Variants in LTBP2 observed in about 807,000 individuals in gnomAD.
LTBP2 encodes latent-transforming growth factor beta-binding protein 2.
A neutral mutation model predicts 210.6 loss-of-function variants in LTBP2; 103 were observed. The ratio of observed to expected loss-of-function variants is 0.49; its 90% CI spans 0.42 to 0.58. The LOEUF is 0.58. LTBP2 is among the 20% of genes least tolerant of loss of function. LTBP2 has a pLI of 0.00. For synonymous variants in LTBP2, 1,007 were observed against 1,015.0 expected (o/e 0.99, Z 0.15); for missense variants, 2,313 against 2,494.5 (o/e 0.93, Z 1.55).
chr14:74,542,244 T>G (rs2087517244), intron 8 of LTBP2, among the ~76,000 whole-genome samples: 1 of 152,238 alleles, frequency 6.6e-6, no homozygotes, highest in South Asian at 2.1e-4. Flanking sequence ...CCCTCTGCCG[T>G]GCCTCGGTTG....
intron 3 of LTBP2, among the ~76,000 whole-genome samples, chr14:74,585,577 A>G (rs1016151433): frequency 2.0e-5 from 3 of 152,166 alleles, no homozygotes; most frequent in Non-Finnish European, 4.4e-5. Flanking sequence ...TCCCAGGTAC[A>G]CGCCCTCCTC....
chr14:74,557,428 CAGCAT>C (rs2087743659), intron 3 of LTBP2, among the ~76,000 whole-genome samples: 2 of 152,194 alleles, frequency 1.3e-5, no homozygotes, highest in South Asian at 4.1e-4. Context: ...CTTGCCAGCA[CAGCAT>C]ATTATTAATT....
intron 18 of LTBP2, among the ~76,000 whole-genome samples, chr14:74,512,948 G>A (rs1595245422): frequency 1.6e-5 from 2 of 124,762 alleles, no homozygotes; most frequent in Non-Finnish European, 4.0e-5. Context: ...ACTTGAAGGA[G>A]GATGGGCAAA....
rs148903070 is a variant in LTBP2 at position 74,552,176 on chromosome 14, C to G, written c.1399+11G>C. 869 of 1,567,504 alleles carry G rather than the reference C, an allele frequency of 5.5e-4. 6 individuals carry two copies. The African/African-American group carries it at 0.01, about 19-fold the overall frequency. On this transcript the variant is annotated intron_variant, in intron 6 of 35. Transcript: ENST00000261978. ...CCAGGGTCCCGCCGGCCCAGCTGTG[C>G]CGGCACTCACCCAGCTGGTTGGAGA...
rs2087415314 is a variant in LTBP2, at chr14:74,535,922, C to T, written c.1864+4G>A. On this transcript the variant is annotated splice_donor_region_variant and intron_variant, in intron 9 of 35. Coordinates refer to ENST00000261978, the MANE Select transcript of LTBP2 (RefSeq NM_000428.3). ...GAGCCCAGCCCTGGCCCTGGGGGTC[C>T]TACCTTGGCAGTGAGTGAGGTTCAG... The T allele has an allele frequency of 6.2e-7, 1 of 1,614,022 alleles. No homozygotes were observed. Among genetic ancestry groups the T allele is most frequent in the East Asian group, 2.2e-5 (1 of 44,880 alleles).
chr14:74,609,986 C>T (rs1362621586), intron 1 of LTBP2, among the ~76,000 whole-genome samples: 1 of 152,208 alleles, frequency 6.6e-6, no homozygotes, highest in African/African-American at 2.4e-5. Context: ...TATGTGTAAG[C>T]GACTTGGCAG....
chr14:74,600,188 A>G (rs2088425957), intron 2 of LTBP2, among the ~76,000 whole-genome samples: 3 of 152,214 alleles, frequency 2.0e-5, no homozygotes, highest in African/African-American at 7.2e-5. Flanking sequence ...CATTAGGCTT[A>G]TTAGCAGCCA....
intron 7 of LTBP2, among the ~76,000 whole-genome samples, chr14:74,550,722 C>G (rs1254011038): frequency 6.6e-6 from 1 of 152,208 alleles, no homozygotes; most frequent in Non-Finnish European, 1.5e-5. Context: ...CTGGCCAGAT[C>G]CTAACAGCCC....
intron 8 of LTBP2, among the ~76,000 whole-genome samples, chr14:74,540,941 TA>T (rs1290749336): frequency 0.1 from 2,956 of 28,980 alleles, 62 homozygotes; most frequent in Non-Finnish European, 0.41. Context: ...TATATATATA[TA>T]TATTTTTTAT....
At chr14:74,520,237 G>A (rs538756127) in intron 17 of LTBP2, among the ~76,000 whole-genome samples, 5 of 152,282 alleles carry the variant, frequency 3.3e-5, no homozygotes, top group East Asian at 3.9e-4. Flanking sequence ...TCCTATTCAC[G>A]CTCCATTCCT....
intron 8 of LTBP2, among the ~76,000 whole-genome samples, chr14:74,539,535 C>T (rs892092695): frequency 1.3e-5 from 2 of 151,900 alleles, no homozygotes; most frequent in East Asian, 1.9e-4. Flanking sequence ...GGCAAAACCC[C>T]GTCTCTACAA....
chr14:74,545,386 C>A (rs1047265553), intron 8 of LTBP2, among the ~76,000 whole-genome samples: 1 of 152,178 alleles, frequency 6.6e-6, no homozygotes, highest in Non-Finnish European at 1.5e-5. Context: ...CAGGAACTGG[C>A]GGCTATTCTT....
chr14:74,570,289 G>GC (rs1566643806), intron 3 of LTBP2, among the ~76,000 whole-genome samples: 1 of 151,978 alleles, frequency 6.6e-6, no homozygotes, highest in African/African-American at 2.4e-5. Context: ...TCCATGATGC[G>GC]CCCCCACACA....
intron 3 of LTBP2, among the ~76,000 whole-genome samples, chr14:74,573,978 G>A (rs918647701): frequency 2.0e-5 from 3 of 152,108 alleles, no homozygotes; most frequent in Non-Finnish European, 4.4e-5. Flanking sequence ...TGTCTGACTC[G>A]TGGCCCATGC....
rs368556443 is a variant in LTBP2, at chr14:74,538,788, C to T, written c.1790-2788G>A. 7.1e-4 allele frequency among the ~76,000 whole-genome samples: 108 copies of T among 152,310 alleles called. 2 individuals are homozygous for T. The South Asian group carries it at 0.02, about 28-fold the overall frequency. On this transcript the variant is annotated intron_variant, in intron 8 of 35. Coordinates refer to ENST00000261978, the MANE Select transcript of LTBP2 (RefSeq NM_000428.3). ...TTTTCCTGCCAGGACTGGCCCGCTC[C>T]GGATTTGCACGTTCCATGTAGGGAC...
chr14:74,530,585 G>A (rs1425938379), intron 10 of LTBP2, among the ~76,000 whole-genome samples: 1 of 152,186 alleles, frequency 6.6e-6, no homozygotes, highest in Admixed American at 6.5e-5. Flanking sequence ...GCACGATCTC[G>A]GCTCACTGCA....
chr14:74,596,048 T>C (rs1369390690), intron 2 of LTBP2, among the ~76,000 whole-genome samples: 1 of 151,470 alleles, frequency 6.6e-6, no homozygotes, highest in African/African-American at 2.4e-5. Flanking sequence ...CAAAAATTAG[T>C]CAAAACGTCT....
rs768805097 is a variant in LTBP2, at chr14:74,525,162, G to T, written c.2492C>A (p.Thr831Asn). 2.3e-6 allele frequency: 3 copies of T among 1,331,894 alleles called. No individual in the cohort carries two copies. Among genetic ancestry groups the T allele is most frequent in the Admixed American group, 3.0e-5 (1 of 33,554 alleles). The allele number at this position is 1,331,894 out of a possible 1,614,324, so 82.5% of individuals were successfully genotyped here. The change falls in exon 15 of 36, where the codon ACC becomes AAC. Residue 831 changes from threonine (T) to asparagine (N), a missense_variant. Coordinates refer to ENST00000261978, the MANE Select transcript of LTBP2 (RefSeq NM_000428.3). Reference sequence around the variant, plus strand: ...GGTCACCAGCACATCAGTGGAGGGGGTCACTTGTTCTTCCTGTATCTCTGC... The same window carrying T: ...GGTCACCAGCACATCAGTGGAGGGGTTCACTTGTTCTTCCTGTATCTCTGC... ...GIAEIQEEQV[T>N]PSTDVLVTLS...
intron 9 of LTBP2, among the ~76,000 whole-genome samples, chr14:74,533,028 A>T (rs2087372931): frequency 6.6e-6 from 1 of 152,070 alleles, no homozygotes; most frequent in Admixed American, 6.6e-5. Flanking sequence ...TATTTTTTGT[A>T]GAGATGTGTT....
Sources: allele counts gnomAD v4.1 joint callset (sites outside exome capture counted in the v4.1 genomes callset), GRCh38; gene constraint gnomAD v4.1.1; transcripts MANE v1.5; gene names NCBI Gene and HGNC (gene_info 2026-07-23, HGNC 2026-07-21).